Variants in CTNND2 observed in about 807,000 individuals in gnomAD.
CTNND2 encodes catenin delta-2.
Under a neutral mutation model 144.4 loss-of-function variants are expected in CTNND2, and 22 were observed. The observed-to-expected ratio is 0.15, with a 90% CI of 0.11 to 0.22. The LOEUF is 0.22. CTNND2 is among the 10% of genes least tolerant of loss of function. CTNND2 has a pLI of 1.00. For synonymous variants in CTNND2, 751 were observed against 695.6 expected, an observed-to-expected ratio of 1.08 and a Z score of -1.25; for missense variants, 1,353 against 1,618.8, an observed-to-expected ratio of 0.84 and a Z score of 2.82.
intron 9 of CTNND2, among the ~76,000 whole-genome samples, chr5:11,312,471 C>A (rs992684583): frequency 7.9e-5 from 12 of 152,010 alleles, no homozygotes; most frequent in Non-Finnish European, 1.5e-4. Context: ...AAAGCAGAAA[C>A]CCCTGATAAG....
At chr5:11,221,949 T>C (rs1739837284) in intron 10 of CTNND2, among the ~76,000 whole-genome samples, 1 of 152,240 alleles carries the variant, frequency 6.6e-6, no homozygotes, top group Non-Finnish European at 1.5e-5. Flanking sequence ...AGTTAAACTA[T>C]GTCCCTGAAA....
chr5:11,716,420 C>T lies in CTNND2; in HGVS notation c.174+15716G>A, dbSNP rs765747528. ...TCAAGCATGTGCCCAGATAGCATTACCATGAATAAGAGAGATTATTTACTT... is the reference window on the plus strand; with the variant it reads ...TCAAGCATGTGCCCAGATAGCATTATCATGAATAAGAGAGATTATTTACTT... On this transcript the variant is annotated intron_variant, in intron 2 of 21. Transcript: ENST00000304623. 7.2e-4 allele frequency among the ~76,000 whole-genome samples: 109 copies of T among 152,006 alleles called. 2 individuals are homozygous for T. Among genetic ancestry groups the T allele is most frequent in the Non-Finnish European group, 1.6e-4 (11 of 67,990 alleles).
At chr5:11,168,696 T>C (rs193229851) in intron 11 of CTNND2, among the ~76,000 whole-genome samples, 45 of 152,334 alleles carry the variant, frequency 3.0e-4, no homozygotes, top group Non-Finnish European at 6.2e-4. Flanking sequence ...TATTCTTCTA[T>C]GTGTAAAATG....
chr5:11,248,720 T>C (rs34957327), intron 9 of CTNND2, among the ~76,000 whole-genome samples: 9,811 of 152,222 alleles, frequency 0.064, 438 homozygotes, highest in Admixed American at 0.11. Flanking sequence ...ACACCATCTC[T>C]TGAGATTCCA....
At chr5:11,165,055 C>T (rs1375826454) in intron 11 of CTNND2, among the ~76,000 whole-genome samples, 1 of 152,088 alleles carries the variant, frequency 6.6e-6, no homozygotes, top group Non-Finnish European at 1.5e-5. Context: ...CTGTAAGCAT[C>T]GAAACTTCTG....
At chr5:11,474,910 T>C (rs1581275076) in intron 3 of CTNND2, among the ~76,000 whole-genome samples, 1 of 152,166 alleles carries the variant, frequency 6.6e-6, no homozygotes, top group South Asian at 2.1e-4. Flanking sequence ...CCTTCATTGG[T>C]TCACTGTGCT....
chr5:11,432,889 A>G (rs750074400), intron 3 of CTNND2, among the ~76,000 whole-genome samples: 64 of 152,194 alleles, frequency 4.2e-4, no homozygotes, highest in Admixed American at 2.0e-4. Context: ...ACAAAGTGGG[A>G]GTATATTTAC....
intron 16 of CTNND2, among the ~76,000 whole-genome samples, chr5:11,063,527 CTTT>C (rs1287843076): frequency 6.6e-6 from 1 of 152,080 alleles, no homozygotes; most frequent in East Asian, 1.9e-4. Flanking sequence ...CAATAAGACA[CTTT>C]AAAGCATAAA....
intron 16 of CTNND2, among the ~76,000 whole-genome samples, chr5:11,078,662 T>C (rs1008887889): frequency 3.3e-5 from 5 of 152,216 alleles, no homozygotes; most frequent in Non-Finnish European, 7.3e-5. Flanking sequence ...ACCAAGTAGT[T>C]AGTATCCAGG....
At chr5:11,299,188 C>T (rs1342173377) in intron 9 of CTNND2, among the ~76,000 whole-genome samples, 2 of 152,260 alleles carry the variant, frequency 1.3e-5, no homozygotes, top group East Asian at 3.9e-4. Context: ...GTTTTCCTAG[C>T]TGTTCTTTGG....
chr5:11,849,884 C>T (rs1350788801), intron 1 of CTNND2, among the ~76,000 whole-genome samples: 1 of 152,126 alleles, frequency 6.6e-6, no homozygotes, highest in Non-Finnish European at 1.5e-5. Flanking sequence ...AGGAAAATCA[C>T]GAGCCTTGTA....
intron 2 of CTNND2, among the ~76,000 whole-genome samples, chr5:11,622,683 C>A (rs1225763702): frequency 2.0e-5 from 3 of 152,110 alleles, no homozygotes; most frequent in Non-Finnish European, 4.4e-5. Context: ...CCCACAAAAG[C>A]ATGGCTCAGA....
intron 2 of CTNND2, among the ~76,000 whole-genome samples, chr5:11,662,952 C>T (rs1783356766): frequency 6.6e-6 from 1 of 152,174 alleles, no homozygotes. Flanking sequence ...TCTGTACTCA[C>T]TTGAGAAGGA....
At chr5:11,157,683 C>T (rs1156812779) in intron 12 of CTNND2, among the ~76,000 whole-genome samples, 1 of 152,236 alleles carries the variant, frequency 6.6e-6, no homozygotes, top group African/African-American at 2.4e-5. Context: ...TGTAAATACA[C>T]TTGCATACTA....
intron 16 of CTNND2, among the ~76,000 whole-genome samples, chr5:11,024,015 A>G (rs1020935053): frequency 4.6e-5 from 7 of 152,164 alleles, no homozygotes; most frequent in African/African-American, 9.7e-5. Flanking sequence ...CCATCCCCCA[A>G]TTAGGCACAT....
intron 2 of CTNND2, among the ~76,000 whole-genome samples, chr5:11,683,793 A>G (rs1784524671): frequency 6.6e-6 from 1 of 152,200 alleles, no homozygotes; most frequent in South Asian, 2.1e-4. Flanking sequence ...ACAACATATA[A>G]AGCTGCAGGC....
At chr5:11,681,595 G>T (rs2126628861) in intron 2 of CTNND2, among the ~76,000 whole-genome samples, 1 of 152,262 alleles carries the variant, frequency 6.6e-6, no homozygotes, top group Middle Eastern at 3.4e-3. Context: ...TTAATGAAGG[G>T]ATAATGAATG....
intron 1 of CTNND2, among the ~76,000 whole-genome samples, chr5:11,878,131 A>G (rs1310823774): frequency 6.6e-6 from 1 of 152,234 alleles, no homozygotes; most frequent in Non-Finnish European, 1.5e-5. Flanking sequence ...AAATTGTAAA[A>G]GCAATCAGAA....
intron 3 of CTNND2, among the ~76,000 whole-genome samples, chr5:11,412,354 T>G (rs909411290): frequency 2.0e-5 from 3 of 152,162 alleles, no homozygotes; most frequent in Non-Finnish European, 4.4e-5. Flanking sequence ...AGACTCATTC[T>G]TTACAATAGC....
Sources: allele counts gnomAD v4.1 joint callset (sites outside exome capture counted in the v4.1 genomes callset), GRCh38; gene constraint gnomAD v4.1.1; transcripts MANE v1.5; gene names NCBI Gene and HGNC (gene_info 2026-07-23, HGNC 2026-07-21).